NDUFA10: variants seen among roughly 807,000 people sequenced by gnomAD.
NDUFA10 encodes the protein NADH:ubiquinone oxidoreductase subunit A10.
A neutral mutation model predicts 47.8 loss-of-function variants in NDUFA10; 40 were observed. The observed-to-expected ratio is 0.84, with a 90% CI of 0.65 to 1.09. NDUFA10 has a LOEUF of 1.09. Among genes scored for constraint, NDUFA10 ranks in the 50% least tolerant of loss-of-function variants. The probability of loss-of-function intolerance (pLI) is 0.00; values close to 1 mark genes in which losing one functional copy is unlikely to be tolerated. For missense variants in NDUFA10, 413 were observed against 451.1 expected (o/e 0.92, Z 0.76); for synonymous variants, 183 against 172.2 (o/e 1.06, Z -0.49).
At chr2:239,938,666 T>A (rs1038581178) in intron 4 of NDUFA10, among the ~76,000 whole-genome samples, 5 of 152,224 alleles carry the variant, frequency 3.3e-5, no homozygotes, top group African/African-American at 1.2e-4. Context: ...TGAGCTGCCC[T>A]GGGGGGCTGC....
chr2:239,914,191 GACAC>G (rs1240370609), intron 4 of NDUFA10, among the ~76,000 whole-genome samples: 2 of 135,098 alleles, frequency 1.5e-5, no homozygotes, highest in East Asian at 2.1e-4. Context: ...CACATACACA[GACAC>G]ACACAAATAT....
chr2:239,997,509 G>A (rs1332962214), intron 8 of NDUFA10, among the ~76,000 whole-genome samples: 1 of 152,186 alleles, frequency 6.6e-6, no homozygotes, highest in African/African-American at 2.4e-5. Context: ...CCAGGTCCAA[G>A]TATGAATACT....
rs1037554795 is a variant in NDUFA10 at position 240,012,109 on chromosome 2, CCCTGCATCTCTCCAACTTGCTCGCCA to C, written c.670-439_670-414del. 5.1e-5 allele frequency: 13 copies of C among 254,278 alleles called. No individual in the cohort carries two copies. The Admixed American group carries it at 6.3e-4, about 12-fold the overall frequency. The allele number at this position is 254,278 out of a possible 1,614,324, so 15.8% of individuals were successfully genotyped here. A position where few individuals can be genotyped will look rare whatever the true frequency, so the allele number is the denominator to read the frequency against. On this transcript the variant is annotated intron_variant, in intron 5 of 9. Coordinates refer to ENST00000252711, the MANE Select transcript of NDUFA10 (RefSeq NM_004544.4). ...CACTCTCTTCTTGTCACCTGACTCT[CCCTGCATCTCTCCAACTTGCTCGCCA>C]CCTCCATCGCTCACCCATCTCCCCG... is the stretch of plus-strand genomic sequence containing the variant.
intron 9 of NDUFA10, among the ~76,000 whole-genome samples, chr2:239,966,651 C>T (rs1273942797): frequency 1.3e-5 from 2 of 151,900 alleles, no homozygotes; most frequent in East Asian, 3.9e-4. Flanking sequence ...TTAATGTAAA[C>T]TAACATGATG....
At chr2:239,967,454 T>C (rs918371397) in intron 9 of NDUFA10, among the ~76,000 whole-genome samples, 1 of 152,174 alleles carries the variant, frequency 6.6e-6, no homozygotes, top group African/African-American at 2.4e-5. Context: ...AGAGGCTGTG[T>C]GGCCCGCAGA....
At chr2:239,966,500 G>A (rs551303786) in intron 9 of NDUFA10, among the ~76,000 whole-genome samples, 1 of 152,292 alleles carries the variant, frequency 6.6e-6, no homozygotes, top group South Asian at 2.1e-4. Context: ...AACCCCACAG[G>A]ACCGGACTTG....
chr2:239,933,309 G>A (rs959017087), intron 4 of NDUFA10, among the ~76,000 whole-genome samples: 2 of 152,140 alleles, frequency 1.3e-5, no homozygotes, highest in African/African-American at 4.8e-5. Flanking sequence ...TCCAAGCTCA[G>A]GCCTCCATCT....
rs116442252 is a variant in NDUFA10 at position 240,007,242 on chromosome 2, C to T, written c.804+74G>A. 1.6e-3 allele frequency: 1,803 copies of T among 1,138,482 alleles called. 23 individuals carry two copies. In the African/African-American group the frequency reaches 0.023, roughly 15 times the overall value. The allele number at this position is 1,138,482 out of a possible 1,614,324, so 70.5% of individuals were successfully genotyped here. ...TTAAGACCAGTGGGAATCTAACTGA[C>T]GATCTGATTTGCAAGAACCTTACAC... On this transcript the variant is annotated intron_variant, in intron 7 of 9. Coordinates refer to ENST00000252711, the MANE Select transcript of NDUFA10 (RefSeq NM_004544.4).
chr2:239,958,969 G>C lies in NDUFA10; in HGVS notation c.*2149C>G. 1 of 985,416 alleles carries C rather than the reference G, an allele frequency of 1.0e-6. No individual in the cohort carries two copies. Among genetic ancestry groups the C allele is most frequent in the Non-Finnish European group, 1.2e-6 (1 of 829,938 alleles). 61.0% of individuals were successfully genotyped at this position (985,416 alleles called of 1,614,324 possible). ...TGTTGTTTTAGTTGTAAGAGCTTTC[G>C]TGAGACGAACGCATGTACTGCTCTG... On this transcript the variant is annotated 3_prime_UTR_variant, in exon 10 of 10. Coordinates refer to ENST00000252711, the MANE Select transcript of NDUFA10 (RefSeq NM_004544.4).
chr2:239,993,978 G>A (rs996556781), intron 8 of NDUFA10, among the ~76,000 whole-genome samples: 1 of 152,038 alleles, frequency 6.6e-6, no homozygotes. Context: ...AGCCCGAGAG[G>A]TGAGATGCCC....
At chr2:239,962,921 C>A (rs1694913167) in intron 9 of NDUFA10, among the ~76,000 whole-genome samples, 1 of 152,130 alleles carries the variant, frequency 6.6e-6, no homozygotes, top group Admixed American at 6.5e-5. Flanking sequence ...GGGCACCAAG[C>A]CATTCATGAA....
At chr2:240,007,435 G>T (rs1696988325) in intron 6 of NDUFA10, 65 bp from the exon 7 acceptor site, 2 of 1,105,756 alleles carry the variant, frequency 1.8e-6, no homozygotes, top group South Asian at 1.3e-5. Context: ...ATGTACAAAT[G>T]AATACATACC....
intron 8 of NDUFA10, among the ~76,000 whole-genome samples, chr2:239,999,834 C>T (rs973608134): frequency 6.6e-6 from 1 of 152,198 alleles, no homozygotes; most frequent in Non-Finnish European, 1.5e-5. Flanking sequence ...CCTGTGAAAC[C>T]CATGTTGTTT....
intron 4 of NDUFA10, among the ~76,000 whole-genome samples, chr2:239,911,407 G>T (rs1304998883): frequency 6.6e-6 from 1 of 152,146 alleles, no homozygotes; most frequent in African/African-American, 2.4e-5. Flanking sequence ...AACCCTGGGG[G>T]ACTGGGGCAT....
At chr2:239,957,260 GC>G (rs1418671206), downstream of NDUFA10, 1 of 152,244 alleles carries the variant, frequency 6.6e-6, no homozygotes, top group African/African-American at 2.4e-5. Flanking sequence ...GATGCAGGAG[GC>G]CCCATCAACG....
intron 4 of NDUFA10, among the ~76,000 whole-genome samples, chr2:239,911,242 T>A (rs1693748946): frequency 6.6e-6 from 1 of 151,970 alleles, no homozygotes; most frequent in Non-Finnish European, 1.5e-5. Context: ...CACCCTGACC[T>A]GGGAGAAGGG....
At chr2:239,974,849 C>A (rs1007643708) in intron 9 of NDUFA10, among the ~76,000 whole-genome samples, 7 of 145,864 alleles carry the variant, frequency 4.8e-5, no homozygotes, top group African/African-American at 1.5e-4. Context: ...ACTCTGCCAC[C>A]AAAGAGCTGG....
At chr2:240,006,629 T>C (rs540328030) in intron 7 of NDUFA10, among the ~76,000 whole-genome samples, 1 of 152,344 alleles carries the variant, frequency 6.6e-6, no homozygotes, top group Admixed American at 6.5e-5. Context: ...AAAAAACTTG[T>C]TTTTTAACAA....
At chr2:239,908,691 G>C (rs768167418) in intron 4 of NDUFA10, among the ~76,000 whole-genome samples, 3 of 152,262 alleles carry the variant, frequency 2.0e-5, no homozygotes, top group Non-Finnish European at 2.9e-5. Flanking sequence ...ACTGTTAACA[G>C]AGATCACTCC....
Sources: gnomAD v4.1 joint callset for allele counts (sites outside exome capture counted in the v4.1 genomes callset) on GRCh38, gnomAD v4.1.1 for gene constraint, MANE v1.5 for transcripts, NCBI Gene and HGNC (gene_info 2026-07-23, HGNC 2026-07-21) for gene names.